The following ZNF234 variants were observed in gnomAD, a reference collection of about 807,000 sequenced individuals.
ZNF234 encodes C2-H2 type zinc finger protein.
Under a neutral mutation model 10.3 loss-of-function variants are expected in ZNF234, and 4 were observed. The observed-to-expected ratio is 0.39, with a 90% confidence interval of 0.19 to 0.89. The LOEUF is 0.89. Ranked by LOEUF, ZNF234 falls within the 40% of genes least tolerant of loss-of-function variation. The pLI is 0.38. For missense variants in ZNF234, 711 were observed against 836.1 expected, an observed-to-expected ratio of 0.85 and a Z score of 1.85; for synonymous variants, 258 against 280.1, an observed-to-expected ratio of 0.92 and a Z score of 0.79.
At chr19:44,156,040 G>A (rs370350822) in intron 5 of ZNF234, among the ~76,000 whole-genome samples, 1 of 152,160 alleles carries the variant, frequency 6.6e-6, no homozygotes, top group African/African-American at 2.4e-5. Context: ...AGGAGACTTG[G>A]TATGGTCTAA....
At position 44,156,233 on chromosome 19, in the gene ZNF234, G is replaced by C. The variant is rs775228508; in HGVS notation, c.236-19G>C. 6.6e-7 allele frequency: 1 copy of C among 1,526,478 alleles called. No homozygotes were observed. 94.6% of individuals were successfully genotyped at this position (1,526,478 alleles called of 1,614,324 possible). On this transcript the variant is annotated intron_variant, in intron 5 of 5. Transcript: ENST00000426739. ...CTTTTAACAGAGCCTCCACATCTCT[G>C]AATTCTCTGTCCTTACAGCAGACAA... is the stretch of plus-strand genomic sequence containing the variant.
chr19:44,154,882 C>T (rs975550594), intron 5 of ZNF234, among the ~76,000 whole-genome samples: 14 of 152,022 alleles, frequency 9.2e-5, no homozygotes, highest in South Asian at 4.1e-4. Flanking sequence ...AGTGATCCTC[C>T]GGCTTCAGCC....
chr19:44,158,149 A>G lies in ZNF234; in HGVS notation c.*30A>G, dbSNP rs1295871875. 1.3e-6 allele frequency: 2 copies of G among 1,584,734 alleles called. No homozygotes were observed. ...AAAAAAAAAAACAGAACTCATGTAC[A>G]ACCTGAATGCTTGTAATTAGATTTC... On this transcript the variant is annotated 3_prime_UTR_variant, in exon 6 of 6. Coordinates refer to ENST00000426739, the MANE Select transcript of ZNF234 (RefSeq NM_006630.3).
At chr19:44,147,970 G>A (rs79391987) in intron 3 of ZNF234, among the ~76,000 whole-genome samples, 4,289 of 152,274 alleles carry the variant, frequency 0.028, 83 homozygotes, top group South Asian at 0.075. Flanking sequence ...AGAACAGGTA[G>A]ATGCAGATTT....
intron 5 of ZNF234, among the ~76,000 whole-genome samples, chr19:44,152,274 T>C (rs1968760666): frequency 6.6e-6 from 1 of 152,222 alleles, no homozygotes; most frequent in African/African-American, 2.4e-5. Context: ...TGTTTGTTTG[T>C]TTATTACTCT....
intron 5 of ZNF234, among the ~76,000 whole-genome samples, chr19:44,155,481 G>A (rs984223419): frequency 1.3e-5 from 2 of 152,142 alleles, no homozygotes; most frequent in African/African-American, 4.8e-5. Flanking sequence ...TTACAATAAA[G>A]AGAAGAGAAA....
rs764388737 is a variant in ZNF234 at position 44,157,424 on chromosome 19, C to T, written c.1408C>T (p.Arg470Ter). 12 of 1,613,746 alleles carry T rather than the reference C, an allele frequency of 7.4e-6. No homozygotes were observed. Among genetic ancestry groups the T allele is most frequent in the Admixed American group, 5.0e-5 (3 of 59,992 alleles). The change falls in exon 6 of 6, where the codon CGA becomes TGA. Residue 470 changes from arginine (R) to a stop codon, truncating the protein, a stop_gained. Transcript: ENST00000426739. LOFTEE classifies it low-confidence loss of function (END_TRUNC). ...ECGQGFNQSS[R>*]LQIHQLIHTG... is the part of the protein sequence containing the mutation. ...TGGGCAGGGCTTCAATCAGAGCTCA[C>T]GACTTCAGATTCACCAGCTGATCCA...
intron 5 of ZNF234, 123 bp downstream of exon 5, chr19:44,150,628 T>G: frequency 2.8e-6 from 2 of 713,836 alleles, no homozygotes; most frequent in Non-Finnish European, 4.6e-6. Context: ...TGCAACAGCC[T>G]TCGTACTGGG....
At chr19:44,155,263 G>A (rs1353746039) in intron 5 of ZNF234, among the ~76,000 whole-genome samples, 1 of 152,098 alleles carries the variant, frequency 6.6e-6, no homozygotes, top group African/African-American at 2.4e-5. Context: ...CAAGAATATG[G>A]TTGATCCTTG....
intron 4 of ZNF234, among the ~76,000 whole-genome samples, chr19:44,150,170 C>T (rs1383271574): frequency 1.3e-5 from 2 of 152,174 alleles, no homozygotes. Context: ...AAAGACCCTT[C>T]CCTTGCTGTC....
At chr19:44,156,162 A>G (rs1968874304) in intron 5 of ZNF234, 90 bp from the exon 6 acceptor site, 1 of 1,216,280 alleles carries the variant, frequency 8.2e-7, no homozygotes, top group African/African-American at 1.5e-5. Flanking sequence ...CCTTCTCTGG[A>G]TTTGTTAAAA....
chr19:44,157,904 G>A lies in ZNF234; in HGVS notation c.1888G>A (p.Gly630Ser). 1.2e-6 allele frequency: 2 copies of A among 1,614,102 alleles called. No homozygotes were observed. The highest frequency in any genetic ancestry group is 1.7e-6 in the Non-Finnish European group (2 of 1,180,008). ...GAAACCATACAAATGTGATGTATGT[G>A]GTAAAGTCTTCAGTCGGTCTTCACA... Reference protein sequence around the residue: ...GEKPYKCDVCGKVFSRSSQLQ... With the variant: ...GEKPYKCDVCSKVFSRSSQLQ... The change falls in exon 6 of 6, where the codon GGT becomes AGT. Residue 630 changes from glycine to serine, a missense_variant. By Grantham distance (56) the Gly-to-Ser change is moderately conservative. Transcript: ENST00000426739.
Position 44,158,208 on chromosome 19 carries a change from T to C in ZNF234, c.*89T>C. On this transcript the variant is annotated 3_prime_UTR_variant, in exon 6 of 6. Transcript: ENST00000426739. ...GAAAAATTTTCTTTATCAACCTCTT[T>C]GAATTTATTTGATTTGTAACGCTCC... The C allele has an allele frequency of 7.5e-7, 1 of 1,327,466 alleles. No individual in the cohort carries two copies. The highest frequency in any genetic ancestry group is 1.1e-6 in the Non-Finnish European group (1 of 933,700). The allele number at this position is 1,327,466 out of a possible 1,614,324, so 82.2% of individuals were successfully genotyped here.
At chr19:44,155,222 A>G (rs1968847818) in intron 5 of ZNF234, among the ~76,000 whole-genome samples, 1 of 152,224 alleles carries the variant, frequency 6.6e-6, no homozygotes, top group Admixed American at 6.5e-5. Context: ...ACAGAAAAAT[A>G]AGATTAAGTG....
At chr19:44,149,715 T>A (rs1222537634) in intron 4 of ZNF234, 1 of 152,048 alleles carries the variant, frequency 6.6e-6, no homozygotes. Flanking sequence ...ATGTGCTTAG[T>A]TTGTGGGCTA....
intron 2 of ZNF234, among the ~76,000 whole-genome samples, chr19:44,143,616 GAAAA>G (rs61062157): frequency 8.9e-6 from 1 of 111,898 alleles, no homozygotes; most frequent in Admixed American, 9.0e-5. Context: ...CTCAGAAAAA[GAAAA>G]AAAAAAAAAA....
At chr19:44,149,185 A>G (rs1599695757) in intron 4 of ZNF234, among the ~76,000 whole-genome samples, 1 of 152,226 alleles carries the variant, frequency 6.6e-6, no homozygotes, top group East Asian at 1.9e-4. Context: ...CACGCCTGCA[A>G]TCCCAGCACC....
chr19:44,144,601 G>A lies in ZNF234; in HGVS notation c.-32G>A. On this transcript the variant is annotated 5_prime_UTR_variant, in exon 3 of 6. Coordinates refer to ENST00000426739, the MANE Select transcript of ZNF234 (RefSeq NM_006630.3). ...CCTTCTCTCAAATGGCATAACTCAG[G>A]ACTCTGCAAATTCCCAGAAACAGGA... 1.9e-6 allele frequency: 3 copies of A among 1,560,224 alleles called. No individual in the cohort carries two copies. Among genetic ancestry groups the A allele is most frequent in the Non-Finnish European group, 2.6e-6 (3 of 1,149,154 alleles).
At chr19:44,152,853 A>C (rs965696838) in intron 5 of ZNF234, among the ~76,000 whole-genome samples, 1 of 152,110 alleles carries the variant, frequency 6.6e-6, no homozygotes, top group African/African-American at 2.4e-5. Flanking sequence ...CCAGAGGTGG[A>C]AGATTTAAGA....
Sources: allele counts gnomAD v4.1 joint callset (sites outside exome capture counted in the v4.1 genomes callset), GRCh38; gene constraint gnomAD v4.1.1; transcripts MANE v1.5; gene names NCBI Gene and HGNC (gene_info 2026-07-23, HGNC 2026-07-21).